The following MAP4K3 variants were observed in gnomAD, a reference collection of about 807,000 sequenced individuals.
MAP4K3 encodes MAPK/ERK kinase kinase kinase 3.
A neutral mutation model predicts 143.5 loss-of-function variants in MAP4K3; 94 were observed. That is an observed-to-expected ratio of 0.65 (90% confidence interval 0.55 to 0.78). MAP4K3 has a LOEUF of 0.78. Among genes scored for constraint, MAP4K3 ranks in the 30% least tolerant of loss-of-function variants. The pLI is 0.00. For missense variants in MAP4K3, 1,077 were observed against 1,068.1 expected (o/e 1.01, Z -0.12); for synonymous variants, 416 against 347.2 (o/e 1.20, Z -2.20).
rs558800290 is a variant in MAP4K3, at chr2:39,408,522, C to T, written c.96+28370G>A. ...CTGTTACAGAAAAAACCTTTAAAGC[C>T]ATCAAGCCTGAAACAAAAAATTCCT... On this transcript the variant is annotated intron_variant, in intron 1 of 33. Transcript: ENST00000263881. 3.9e-5 allele frequency among the ~76,000 whole-genome samples: 6 copies of T among 152,022 alleles called. No individual in the cohort carries two copies. In the South Asian group the frequency reaches 1.3e-3, roughly 32 times the overall value.
chr2:39,282,583 CT>C (rs770837138), intron 21 of MAP4K3, 29 bp from the exon 22 acceptor site: 36 of 1,524,716 alleles, frequency 2.4e-5, no homozygotes, highest in South Asian at 1.7e-4. Context: ...TATGATTACA[CT>C]TTTTTTGCTG....
chr2:39,345,124 G>A (rs1237428359), intron 3 of MAP4K3, among the ~76,000 whole-genome samples: 1 of 152,188 alleles, frequency 6.6e-6, no homozygotes, highest in Non-Finnish European at 1.5e-5. Flanking sequence ...TGTAATCTCA[G>A]TAACACAGGA....
chr2:39,320,953 T>G (rs1683281401), intron 12 of MAP4K3, among the ~76,000 whole-genome samples: 1 of 152,198 alleles, frequency 6.6e-6, no homozygotes, highest in Non-Finnish European at 1.5e-5. Context: ...CTACTCACAG[T>G]GTAGGTACAT....
In MAP4K3 at chr2:39,424,190, C is replaced by T. The variant is rs185079337; in HGVS notation, c.96+12702G>A. Among the ~76,000 whole-genome samples, 292 of 152,252 alleles carry T rather than the reference C, an allele frequency of 1.9e-3. 1 individual carries two copies. Among genetic ancestry groups the T allele is most frequent in the Non-Finnish European group, 3.4e-3 (229 of 68,028 alleles). On this transcript the variant is annotated intron_variant, in intron 1 of 33. Coordinates refer to ENST00000263881, the MANE Select transcript of MAP4K3 (RefSeq NM_003618.4). ...AACTCCTGACCTCAGGTGATCCACC[C>T]GCCTCGGCCTCCCAAAGTGCTGGGA... is the stretch of plus-strand genomic sequence containing the variant.
At chr2:39,326,056 A>C in intron 9 of MAP4K3, 90 bp downstream of exon 9, 1 of 1,530,546 alleles carries the variant, frequency 6.5e-7, no homozygotes, top group East Asian at 2.3e-5. Flanking sequence ...AAATAAGGTA[A>C]AACAAGACTA....
intron 2 of MAP4K3, among the ~76,000 whole-genome samples, chr2:39,368,133 T>A (rs1665975580): frequency 6.6e-6 from 1 of 152,164 alleles, no homozygotes; most frequent in African/African-American, 2.4e-5. Flanking sequence ...CAGGACTGAA[T>A]TTCTAGTGAA....
chr2:39,373,934 A>G (rs2148575777), intron 2 of MAP4K3, among the ~76,000 whole-genome samples: 2 of 152,354 alleles, frequency 1.3e-5, no homozygotes, highest in South Asian at 4.1e-4. Context: ...ATCCAATCAT[A>G]CATTTTAAAA....
intron 1 of MAP4K3, among the ~76,000 whole-genome samples, chr2:39,384,357 C>T (rs974398565): frequency 1.3e-5 from 2 of 152,152 alleles, no homozygotes; most frequent in Non-Finnish European, 2.9e-5. Context: ...ACCAGCCTGA[C>T]CAATATGATG....
chr2:39,418,732 A>G (rs1667462757), intron 1 of MAP4K3, among the ~76,000 whole-genome samples: 1 of 152,194 alleles, frequency 6.6e-6, no homozygotes, highest in African/African-American at 2.4e-5. Context: ...CCATGAGAAA[A>G]AAAAAAACAA....
At chr2:39,309,548 A>ACTT (rs759827270) in intron 13 of MAP4K3, 29 bp from the exon 14 acceptor site, 23 of 339,388 alleles carry the variant, frequency 6.8e-5, no homozygotes, top group South Asian at 2.8e-4. Context: ...TAAAACCAGG[A>ACTT]TTTTTTTTTT....
intron 18 of MAP4K3, among the ~76,000 whole-genome samples, chr2:39,291,365 T>C (rs35608211): frequency 0.019 from 2,871 of 152,272 alleles, 37 homozygotes; most frequent in Non-Finnish European, 0.032. Flanking sequence ...TAATTATAAT[T>C]CCAGTTTATA....
rs765936407 is a variant in MAP4K3, at chr2:39,395,577, G to C, written c.97-17454C>G. 3.9e-4 allele frequency among the ~76,000 whole-genome samples: 59 copies of C among 152,104 alleles called. 1 individual carries two copies. Among genetic ancestry groups the C allele is most frequent in the Admixed American group, 1.2e-3 (19 of 15,270 alleles). ...AAGCTAATTTGTCTTCCTGCTTACT[G>C]CTTTTGTTCTTTTGGGATGAATGTA... On this transcript the variant is annotated intron_variant, in intron 1 of 33. Transcript: ENST00000263881.
intron 24 of MAP4K3, among the ~76,000 whole-genome samples, chr2:39,276,182 T>C (rs931501400): frequency 6.6e-6 from 1 of 152,148 alleles, no homozygotes; most frequent in Non-Finnish European, 1.5e-5. Context: ...TTGTAATCGA[T>C]TTATATTGAT....
intron 31 of MAP4K3, among the ~76,000 whole-genome samples, chr2:39,257,289 TATTG>T (rs1225808102): frequency 1.3e-5 from 2 of 152,156 alleles, no homozygotes; most frequent in South Asian, 2.1e-4. Context: ...CATTTAAAAG[TATTG>T]ATTGTCAGAA....
chr2:39,267,328 C>G (rs10865149), intron 26 of MAP4K3, 81 bp from the exon 27 acceptor site: 943,839 of 1,049,738 alleles, frequency 0.9, 425,252 homozygotes, highest in Non-Finnish European at 0.91. Flanking sequence ...GATCAGTGCA[C>G]AAAGGATGAG....
chr2:39,256,634 T>C (rs1680351764), intron 31 of MAP4K3, among the ~76,000 whole-genome samples: 1 of 152,364 alleles, frequency 6.6e-6, no homozygotes, highest in East Asian at 1.9e-4. Flanking sequence ...GCTAATATTT[T>C]ATTTAGATTT....
At chr2:39,308,679 CAAAT>C (rs1174738501) in intron 14 of MAP4K3, among the ~76,000 whole-genome samples, 1 of 152,052 alleles carries the variant, frequency 6.6e-6, no homozygotes, top group African/African-American at 2.4e-5. Flanking sequence ...ATTAACATCT[CAAAT>C]AGATGCAAAG....
At chr2:39,252,617 C>T (rs1680195698) in intron 32 of MAP4K3, among the ~76,000 whole-genome samples, 1 of 152,150 alleles carries the variant, frequency 6.6e-6, no homozygotes, top group Non-Finnish European at 1.5e-5. Context: ...AAAGAGAAAC[C>T]AACTATTCAC....
At chr2:39,404,912 C>A (rs973733778) in intron 1 of MAP4K3, among the ~76,000 whole-genome samples, 1 of 152,150 alleles carries the variant, frequency 6.6e-6, no homozygotes, top group Non-Finnish European at 1.5e-5. Context: ...TGAGCCACCA[C>A]ACCCAGCCGA....
Sources: allele counts gnomAD v4.1 joint callset (sites outside exome capture counted in the v4.1 genomes callset), GRCh38; gene constraint gnomAD v4.1.1; transcripts MANE v1.5; gene names NCBI Gene and HGNC (gene_info 2026-07-23, HGNC 2026-07-21).